PITX3: variants seen among roughly 807,000 people sequenced by gnomAD.
PITX3 encodes pituitary homeobox 3.
PITX3 carries 4 observed loss-of-function variants against 14.2 expected under a neutral mutation model. The ratio of observed to expected loss-of-function variants is 0.28; its 90% CI spans 0.14 to 0.65. PITX3 has a LOEUF of 0.65. PITX3 is among the 30% of genes least tolerant of loss of function. PITX3 has a pLI of 0.82. For synonymous variants in PITX3, 194 were observed against 204.5 expected (o/e 0.95, Z 0.44); for missense variants, 358 against 426.8 (o/e 0.84, Z 1.42).
At position 102,231,802 on chromosome 10, in the gene PITX3, G is replaced by A. The variant is rs1352043416; in HGVS notation, c.119-12C>T. The A allele has an allele frequency of 4.4e-6, 7 of 1,594,760 alleles. No individual in the cohort carries two copies. Among genetic ancestry groups the A allele is most frequent in the Non-Finnish European group, 3.4e-6 (4 of 1,175,114 alleles). On this transcript the variant is annotated splice_polypyrimidine_tract_variant and intron_variant, in intron 2 of 3. Transcript: ENST00000370002. ...GGCCTTTTCTGAGTCTGGGGGCCAG[G>A]GTGGGGGCAGGTCACAGAGCGCCCA...
chr10:102,231,188 G>A, intron 3 of PITX3, 87 bp from the exon 4 acceptor site: 5 of 1,293,094 alleles, frequency 3.9e-6, no homozygotes, highest in Non-Finnish European at 5.1e-6. Flanking sequence ...CTTCCAGCCG[G>A]GGCCCTGCGG....
intron 1 of PITX3, 85 bp from the exon 2 acceptor site, chr10:102,232,177 T>G: frequency 2.6e-6 from 2 of 769,038 alleles, no homozygotes; most frequent in Non-Finnish European, 4.5e-6. Context: ...CCTCGTAAAT[T>G]CCCTGGCGCC....
At chr10:102,238,447 A>G (rs552558665) in intron 1 of PITX3, among the ~76,000 whole-genome samples, 2 of 152,040 alleles carry the variant, frequency 1.3e-5, no homozygotes, top group Non-Finnish European at 2.9e-5. Context: ...GCATTTGGGG[A>G]GCTCCCCAGA....
intron 1 of PITX3, among the ~76,000 whole-genome samples, chr10:102,235,189 C>T (rs1403811848): frequency 6.9e-6 from 1 of 145,100 alleles, no homozygotes; most frequent in African/African-American, 2.6e-5. Flanking sequence ...ACCCCCCCAC[C>T]GCCTCCCTGG....
chr10:102,235,644 A>G (rs528266951), intron 1 of PITX3, among the ~76,000 whole-genome samples: 7 of 152,344 alleles, frequency 4.6e-5, no homozygotes, highest in African/African-American at 1.7e-4. Context: ...CACTCATTAA[A>G]CAAATGTTTA....
At chr10:102,240,386 T>G (rs115917085) in intron 1 of PITX3, among the ~76,000 whole-genome samples, 1,562 of 152,346 alleles carry the variant, frequency 0.01, 23 homozygotes, top group African/African-American at 0.036. Flanking sequence ...CCAGCCCACC[T>G]CACCCCAAGG....
At chr10:102,235,355 C>G (rs1214953869) in intron 1 of PITX3, among the ~76,000 whole-genome samples, 1 of 152,058 alleles carries the variant, frequency 6.6e-6, no homozygotes, top group Non-Finnish European at 1.5e-5. Context: ...GGAGGAGGGG[C>G]AGAAAGTGCC....
At chr10:102,234,063 C>T (rs1236619204) in intron 1 of PITX3, among the ~76,000 whole-genome samples, 2 of 152,204 alleles carry the variant, frequency 1.3e-5, no homozygotes, top group South Asian at 2.1e-4. Flanking sequence ...GCCTCTCTCA[C>T]CCCTTCCCCA....
chr10:102,230,576 G>A lies in PITX3; in HGVS notation c.847C>T (p.His283Tyr). The change falls in exon 4 of 4, where the codon CAC becomes TAC. Residue 283 changes from histidine to tyrosine, a missense_variant. Coordinates refer to ENST00000370002, the MANE Select transcript of PITX3 (RefSeq NM_005029.4). ...QHASFSYPAV[H>Y]GPPPAANLSP... ...AGGTTGGCTGCCGGGGGCGGCCCGT[G>A]CACAGCGGGGTAGCTGAAGGAGGCG... 6.2e-7 allele frequency: 1 copy of A among 1,611,560 alleles called. No individual in the cohort carries two copies. The highest frequency in any genetic ancestry group is 8.5e-7 in the Non-Finnish European group (1 of 1,179,174).
At chr10:102,238,088 G>A (rs1564994002) in intron 1 of PITX3, among the ~76,000 whole-genome samples, 2 of 152,150 alleles carry the variant, frequency 1.3e-5, no homozygotes, top group Non-Finnish European at 2.9e-5. Flanking sequence ...AATGGGAAAG[G>A]AGAGATAGAG....
rs104894175 is a variant in PITX3 at position 102,232,043 on chromosome 10, C to T, written c.38G>A (p.Ser13Asn). The change falls in exon 2 of 4, where the codon AGC becomes AAC. Residue 13 changes from serine (S) to asparagine (N), a missense_variant. Ser to Asn is a conservative substitution (Grantham distance 46). Transcript: ENST00000370002. The stretch of plus-strand genomic sequence containing the variant: ...AGCGTCTGACAGCGACAGGGCAGGG[C>T]TCCGGGCCTCTGCCTCGCTGAGCAG... ...FGLLSEAEAR[S>N]PALSLSDAGT... 1.9e-6 allele frequency: 3 copies of T among 1,604,976 alleles called. No homozygotes were observed. Among genetic ancestry groups the T allele is most frequent in the Non-Finnish European group, 2.5e-6 (3 of 1,178,150 alleles).
chr10:102,237,151 T>C (rs1432912069), intron 1 of PITX3, among the ~76,000 whole-genome samples: 1 of 152,072 alleles, frequency 6.6e-6, no homozygotes, highest in Non-Finnish European at 1.5e-5. Context: ...AGAGACCCTA[T>C]CTTGTAGGAG....
intron 1 of PITX3, among the ~76,000 whole-genome samples, chr10:102,232,947 C>T (rs2070290850): frequency 6.6e-6 from 1 of 152,178 alleles, no homozygotes; most frequent in South Asian, 2.1e-4. Flanking sequence ...TCTCCCCTCA[C>T]AAGAATACCT....
chr10:102,230,766 GCCCAGGCCCTGCAGGGC>G lies in PITX3; in HGVS notation c.640_656del (p.Ala214ArgfsTer42), dbSNP rs1411557416. 60 of 1,510,390 alleles carry G rather than the reference GCCCAGGCCCTGCAGGGC, an allele frequency of 4.0e-5. No individual in the cohort carries two copies. Among genetic ancestry groups the G allele is most frequent in the Admixed American group, 1.1e-4 (5 of 44,268 alleles). The allele number at this position is 1,510,390 out of a possible 1,614,324, so 93.6% of individuals were successfully genotyped here. A position where few individuals can be genotyped will look rare whatever the true frequency, so the allele number is the denominator to read the frequency against. On this transcript the variant is annotated frameshift_variant, in exon 4 of 4. Transcript: ENST00000370002. LOFTEE classifies it low-confidence loss of function (END_TRUNC). ...CCGGAGCCAGCCCGGGGGGGCCCCC[GCCCAGGCCCTGCAGGGC>G]CCCAGGCCCTGGCACGGTGCCCGGG... is the stretch of plus-strand genomic sequence containing the variant.
In PITX3 at chr10:102,231,596, G is replaced by A; in HGVS notation, c.313C>T (p.Arg105Cys). Residue 105 changes from arginine (R) to cysteine (C), a missense_variant, in exon 3 of 4, where the codon CGC becomes TGC. Around this residue, in one of 3 missense-constraint regions of PITX3, gnomAD observed 50 missense variants for 96.7 expected, o/e 0.52. Transcript: ENST00000370002. ...IAVWTNLTEARVRVWFKNRRA... is the reference protein window; with the variant it reads ...IAVWTNLTEACVRVWFKNRRA... ...GGGTCTGGAGAGCATACCCGCACGCGGGCCTCGGTGAGGTTGGTCCACACG... is the reference window on the plus strand; with the variant it reads ...GGGTCTGGAGAGCATACCCGCACGCAGGCCTCGGTGAGGTTGGTCCACACG... 3 of 1,600,098 alleles carry A rather than the reference G, an allele frequency of 1.9e-6. No homozygotes were observed. Among genetic ancestry groups the A allele is most frequent in the Non-Finnish European group, 2.6e-6 (3 of 1,172,508 alleles).
At chr10:102,231,280 G>A (rs917945114) in intron 3 of PITX3, among the ~76,000 whole-genome samples, 179 bp from the exon 4 acceptor site, 18 of 152,206 alleles carry the variant, frequency 1.2e-4, no homozygotes, top group African/African-American at 4.3e-4. Flanking sequence ...CAGAAGGCGC[G>A]GGCGGCTGGA....
intron 1 of PITX3, among the ~76,000 whole-genome samples, chr10:102,239,811 G>A (rs559787984): frequency 3.5e-4 from 53 of 152,212 alleles, no homozygotes; most frequent in Non-Finnish European, 6.0e-4. Flanking sequence ...TGGGGTCAGG[G>A]TGGATGGTCA....
At chr10:102,232,148 C>G in intron 1 of PITX3, 56 bp from the exon 2 acceptor site, 1 of 982,506 alleles carries the variant, frequency 1.0e-6, no homozygotes, top group South Asian at 1.4e-5. Context: ...TCCGGCTTAG[C>G]TAGGTCCCAG....
chr10:102,234,479 C>T (rs1359737302), intron 1 of PITX3, among the ~76,000 whole-genome samples: 1 of 152,116 alleles, frequency 6.6e-6, no homozygotes, highest in Admixed American at 6.5e-5. Flanking sequence ...CAGGTCGGGT[C>T]AGGTCAGGGG....
Sources: gnomAD v4.1 joint callset for allele counts (sites outside exome capture counted in the v4.1 genomes callset) on GRCh38, gnomAD v4.1.1 for gene constraint, gnomAD v4.1.1 regional missense constraint, MANE v1.5 for transcripts, NCBI Gene and HGNC (gene_info 2026-07-23, HGNC 2026-07-21) for gene names.